Variants in LRP1B observed in about 807,000 individuals in gnomAD.
LRP1B encodes the protein low-density lipoprotein receptor-related protein 1B.
Under a neutral mutation model 556.6 loss-of-function variants are expected in LRP1B, and 217 were observed. That is an observed-to-expected ratio of 0.39 (90% CI 0.35 to 0.44). LRP1B has a LOEUF of 0.44. Among genes scored for constraint, LRP1B ranks in the 20% least tolerant of loss-of-function variants. LRP1B has a pLI of 1.00. For synonymous variants in LRP1B, 2,047 were observed against 1,865.8 expected (o/e 1.10, Z -2.50); for missense variants, 5,053 against 5,620.8 (o/e 0.90, Z 3.23).
rs544517593 is a variant in LRP1B, at chr2:141,889,021, G to A, written c.83-78620C>T. ...AGCACTACAAAAACCAGTGTGTTTG[G>A]GGTACCCCAGAATAGAGCCTCTCTC... On this transcript the variant is annotated intron_variant, in intron 1 of 90. Coordinates refer to ENST00000389484, the MANE Select transcript of LRP1B (RefSeq NM_018557.3). 2.6e-5 allele frequency among the ~76,000 whole-genome samples: 4 copies of A among 152,100 alleles called. No homozygotes were observed. The South Asian group carries it at 8.3e-4, about 32-fold the overall frequency.
intron 7 of LRP1B, among the ~76,000 whole-genome samples, chr2:141,100,319 G>A (rs1219616934): frequency 6.6e-6 from 1 of 152,158 alleles, no homozygotes; most frequent in Non-Finnish European, 1.5e-5. Flanking sequence ...CTTTGACCTT[G>A]AAATTAGAAA....
intron 7 of LRP1B, among the ~76,000 whole-genome samples, chr2:141,132,165 C>A (rs1303305620): frequency 6.6e-6 from 1 of 151,876 alleles, no homozygotes; most frequent in Non-Finnish European, 1.5e-5. Flanking sequence ...AGTTTGTTTG[C>A]CTCCATCAAA....
intron 89 of LRP1B, among the ~76,000 whole-genome samples, chr2:140,236,361 G>C (rs13416149): frequency 0.57 from 86,386 of 150,472 alleles, 25,380 homozygotes; most frequent in Non-Finnish European, 0.64. Context: ...AGTAACTTTT[G>C]TAAGTCAGAA....
Position 141,694,792 on chromosome 2 carries a change from T to A in LRP1B, c.205+115487A>T, listed in dbSNP as rs149887175. On this transcript the variant is annotated intron_variant, in intron 2 of 90. Coordinates refer to ENST00000389484, the MANE Select transcript of LRP1B (RefSeq NM_018557.3). ...CAAATGGCAATGGATGAGAAAGGCA[T>A]CTTGTTGCTTATTTTCTAGACCTCT... Among the ~76,000 whole-genome samples the A allele has an allele frequency of 1.7e-3, 260 of 152,170 alleles. 2 individuals are homozygous for A. The highest frequency in any genetic ancestry group is 5.9e-3 in the African/African-American group (246 of 41,566).
At chr2:140,951,744 C>T (rs531361074) in intron 19 of LRP1B, 116 bp downstream of exon 19, 14 of 720,880 alleles carry the variant, frequency 1.9e-5, no homozygotes, top group Middle Eastern at 2.4e-4. Context: ...TTGTTTTAGC[C>T]GTTTTTCTTG....
At chr2:141,616,126 A>G (rs1248617048) in intron 2 of LRP1B, among the ~76,000 whole-genome samples, 1 of 151,992 alleles carries the variant, frequency 6.6e-6, no homozygotes, top group Non-Finnish European at 1.5e-5. Context: ...TACTAAAAAT[A>G]CAAACATTAG....
chr2:141,668,608 C>A (rs909518823), intron 2 of LRP1B, among the ~76,000 whole-genome samples: 1 of 152,272 alleles, frequency 6.6e-6, no homozygotes, highest in Non-Finnish European at 1.5e-5. Context: ...CCACTCTATC[C>A]TCTTTCCAGC....
At chr2:140,581,421 A>G (rs1162866714) in intron 43 of LRP1B, among the ~76,000 whole-genome samples, 1 of 151,604 alleles carries the variant, frequency 6.6e-6, no homozygotes, top group African/African-American at 2.4e-5. Flanking sequence ...TGCACACACT[A>G]TTGCTTCCCG....
chr2:141,614,528 G>T (rs1688227158), intron 2 of LRP1B, among the ~76,000 whole-genome samples: 1 of 152,110 alleles, frequency 6.6e-6, no homozygotes, highest in Non-Finnish European at 1.5e-5. Flanking sequence ...AGGTCATTAG[G>T]GTGGACCTTA....
intron 2 of LRP1B, among the ~76,000 whole-genome samples, chr2:141,570,925 G>T (rs62169806): frequency 6.6e-6 from 1 of 151,230 alleles, no homozygotes; most frequent in East Asian, 1.9e-4. Context: ...GAGCCCCAAG[G>T]GGGAGGGGTG....
At chr2:140,387,581 T>A (rs1181249878) in intron 66 of LRP1B, among the ~76,000 whole-genome samples, 1 of 152,076 alleles carries the variant, frequency 6.6e-6, no homozygotes, top group Non-Finnish European at 1.5e-5. Context: ...TTTTCTATTT[T>A]TTTTTTTAAG....
chr2:140,753,571 A>T (rs192790447), intron 35 of LRP1B, among the ~76,000 whole-genome samples: 50 of 152,318 alleles, frequency 3.3e-4, no homozygotes, highest in African/African-American at 1.1e-3. Flanking sequence ...TTAATTAAAA[A>T]TAAATCTCTA....
chr2:142,068,623 C>T (rs1284248106), intron 1 of LRP1B, among the ~76,000 whole-genome samples: 3 of 151,206 alleles, frequency 2.0e-5, no homozygotes, highest in South Asian at 2.1e-4. Context: ...CCTTCTTTGC[C>T]ATCAGTGAAC....
chr2:140,942,670 C>T (rs1014822542), intron 20 of LRP1B, among the ~76,000 whole-genome samples: 4 of 151,370 alleles, frequency 2.6e-5, no homozygotes, highest in Non-Finnish European at 5.9e-5. Flanking sequence ...GCCAGAATTT[C>T]ATATCCTGCC....
At chr2:140,635,186 C>T (rs1319587455) in intron 41 of LRP1B, among the ~76,000 whole-genome samples, 2 of 152,040 alleles carry the variant, frequency 1.3e-5, no homozygotes, top group African/African-American at 4.8e-5. Flanking sequence ...TCTGTTGAAA[C>T]TTCACTTTTC....
At chr2:141,815,015 C>G (rs1322575455) in intron 1 of LRP1B, among the ~76,000 whole-genome samples, 1 of 152,016 alleles carries the variant, frequency 6.6e-6, no homozygotes, top group Non-Finnish European at 1.5e-5. Context: ...CTGAATCACT[C>G]ATGATAAAGT....
intron 1 of LRP1B, among the ~76,000 whole-genome samples, chr2:141,988,914 G>A (rs1397106354): frequency 6.6e-6 from 1 of 151,888 alleles, no homozygotes; most frequent in African/African-American, 2.4e-5. Flanking sequence ...ACATAAATAA[G>A]TGCCTACTGC....
chr2:141,467,801 T>G (rs545316004), intron 3 of LRP1B, among the ~76,000 whole-genome samples: 6 of 120,168 alleles, frequency 5.0e-5, no homozygotes, highest in African/African-American at 9.1e-5. Context: ...GCACACTGCT[T>G]TTTGTTTGTT....
intron 1 of LRP1B, among the ~76,000 whole-genome samples, chr2:142,070,140 C>A (rs1705257095): frequency 6.6e-6 from 1 of 151,742 alleles, no homozygotes; most frequent in Admixed American, 6.6e-5. Context: ...TAAAACTCTT[C>A]TTTTTCATTT....
Sources: allele counts gnomAD v4.1 joint callset (sites outside exome capture counted in the v4.1 genomes callset), GRCh38; gene constraint gnomAD v4.1.1; transcripts MANE v1.5; gene names NCBI Gene and HGNC (gene_info 2026-07-23, HGNC 2026-07-21).